Variants in SLK observed in about 807,000 individuals in gnomAD.
SLK encodes STE20-like serine/threonine-protein kinase.
Under a neutral mutation model 147.7 loss-of-function variants are expected in SLK, and 67 were observed. The observed-to-expected ratio is 0.45, with a 90% confidence interval of 0.37 to 0.56. The LOEUF (loss-of-function observed/expected upper bound fraction) is 0.56. Among genes scored for constraint, SLK ranks in the 20% least tolerant of loss-of-function variants. The pLI is 0.00. For missense variants in SLK, 1,136 were observed against 1,438.8 expected, an observed-to-expected ratio of 0.79 and a Z score of 3.41; for synonymous variants, 441 against 475.0, an observed-to-expected ratio of 0.93 and a Z score of 0.93.
At chr10:104,006,820 G>A (rs1844332593) in intron 11 of SLK, among the ~76,000 whole-genome samples, 1 of 152,194 alleles carries the variant, frequency 6.6e-6, no homozygotes, top group South Asian at 2.1e-4. Flanking sequence ...AGAAAATAGT[G>A]AACTTTTGTT....
intron 1 of SLK, among the ~76,000 whole-genome samples, chr10:103,971,442 T>C (rs903256430): frequency 1.3e-5 from 2 of 152,100 alleles, no homozygotes; most frequent in Non-Finnish European, 2.9e-5. Context: ...GCCGGGCTAA[T>C]TTTTTGTATT....
chr10:104,014,766 C>T (rs112037419), intron 13 of SLK, among the ~76,000 whole-genome samples: 3,053 of 152,092 alleles, frequency 0.02, 66 homozygotes, highest in South Asian at 0.11. Context: ...AATTGTTTAT[C>T]CACATTTAAA....
intron 1 of SLK, among the ~76,000 whole-genome samples, chr10:103,989,816 T>C (rs781705480): frequency 6.6e-6 from 1 of 152,154 alleles, no homozygotes; most frequent in African/African-American, 2.4e-5. Flanking sequence ...TACGATATGA[T>C]CCAGCAGTTG....
chr10:103,980,587 A>G (rs1261497201), intron 1 of SLK, among the ~76,000 whole-genome samples: 1 of 152,172 alleles, frequency 6.6e-6, no homozygotes, highest in East Asian at 1.9e-4. Flanking sequence ...ATCATACAGT[A>G]TTTATCATTT....
chr10:103,985,246 T>TG lies in SLK; in HGVS notation c.151-5424dup, dbSNP rs1254737499. Reference sequence around the variant, plus strand: ...ACTATCCAAGGTTTCCAGCATCCTCTGGGGGTCTTGGGATGTATTCCCTGG... The same window carrying TG: ...ACTATCCAAGGTTTCCAGCATCCTCTGGGGGGTCTTGGGATGTATTCCCTGG... On this transcript the variant is annotated intron_variant, in intron 1 of 18. Transcript: ENST00000369755. Among the ~76,000 whole-genome samples, 7 of 152,194 alleles carry TG rather than the reference T, an allele frequency of 4.6e-5. No homozygotes were observed. The South Asian group carries it at 6.2e-4, about 13-fold the overall frequency.
rs1400186940 is a variant in SLK, at chr10:104,002,533, A to C, written c.1355A>C (p.Glu452Ala). 1 of 1,609,818 alleles carries C rather than the reference A, an allele frequency of 6.2e-7. No individual in the cohort carries two copies. Among genetic ancestry groups the C allele is most frequent in the East Asian group, 2.2e-5 (1 of 44,852 alleles). Residue 452 changes from glutamate to alanine, a missense_variant, in exon 9 of 19, where the codon GAG becomes GCG. Coordinates refer to ENST00000369755, the MANE Select transcript of SLK (RefSeq NM_014720.4). ...VDINSVSEGK[E>A]NNIMITLETN... ...ATTAATTCAGTCAGTGAAGGAAAAG[A>C]GAATAATATAATGATAACCTTAGAA...
chr10:104,017,512 C>T (rs1291764872), intron 13 of SLK, among the ~76,000 whole-genome samples: 1 of 152,106 alleles, frequency 6.6e-6, no homozygotes. Context: ...TGGAGTCTCA[C>T]TCTGTCACCC....
intron 1 of SLK, among the ~76,000 whole-genome samples, chr10:103,977,515 T>C (rs975725001): frequency 1.3e-5 from 2 of 152,188 alleles, no homozygotes; most frequent in Non-Finnish European, 2.9e-5. Flanking sequence ...CTGGAGAGGC[T>C]GAAGTGGGAG....
chr10:104,006,174 G>T, intron 11 of SLK, 139 bp downstream of exon 11: 1 of 911,164 alleles, frequency 1.1e-6, no homozygotes, highest in Non-Finnish European at 1.6e-6. Context: ...ATTTATTTCT[G>T]GCATTTTTAC....
At chr10:103,994,771 G>C (rs1844144868) in intron 4 of SLK, among the ~76,000 whole-genome samples, 1 of 152,188 alleles carries the variant, frequency 6.6e-6, no homozygotes, top group Non-Finnish European at 1.5e-5. Context: ...TGGGCTGTTT[G>C]GCCTGTTGTG....
chr10:103,975,529 A>ACTCT (rs35085018), intron 1 of SLK, among the ~76,000 whole-genome samples: 2 of 3,592 alleles, frequency 5.6e-4, no homozygotes, highest in East Asian at 0.034. Context: ...ATCATCTCTT[A>ACTCT]GACTACTGCA....
chr10:104,001,363 T>A (rs1161650390), intron 7 of SLK, 81 bp from the exon 8 acceptor site: 1 of 1,132,210 alleles, frequency 8.8e-7, no homozygotes, highest in African/African-American at 1.5e-5. Context: ...TTTTACCACA[T>A]AAGAATGTGT....
intron 13 of SLK, among the ~76,000 whole-genome samples, chr10:104,012,064 A>G (rs1564661727): frequency 6.6e-6 from 1 of 152,170 alleles, no homozygotes; most frequent in Non-Finnish European, 1.5e-5. Flanking sequence ...TATTTAATCG[A>G]TCCTTTGAAT....
At chr10:104,021,374 AAAGCTC>A (rs1321885532) in intron 17 of SLK, among the ~76,000 whole-genome samples, 9 of 152,370 alleles carry the variant, frequency 5.9e-5, no homozygotes, top group African/African-American at 1.9e-4. Context: ...AGGAAAAACA[AAAGCTC>A]AAGCTAGTTC....
chr10:103,973,333 G>A (rs1843818806), intron 1 of SLK, among the ~76,000 whole-genome samples: 1 of 152,154 alleles, frequency 6.6e-6, no homozygotes, highest in Non-Finnish European at 1.5e-5. Flanking sequence ...TGTAGCATGT[G>A]TCTGTTTCTG....
intron 8 of SLK, 43 bp downstream of exon 8, chr10:104,001,615 G>A (rs1157979024): frequency 1.9e-6 from 3 of 1,604,938 alleles, no homozygotes; most frequent in South Asian, 1.1e-5. Context: ...AATAGAGTTC[G>A]GTTTTGAGGT....
At chr10:103,999,418 A>G (rs1023653253) in intron 6 of SLK, 105 bp downstream of exon 6, 30 of 863,222 alleles carry the variant, frequency 3.5e-5, no homozygotes, top group Admixed American at 9.0e-5. Context: ...AATTGGATAC[A>G]TGGTTCGAAG....
chr10:104,011,343 G>A (rs909305485), intron 13 of SLK, among the ~76,000 whole-genome samples: 1 of 152,168 alleles, frequency 6.6e-6, no homozygotes, highest in Admixed American at 6.5e-5. Context: ...AAGAAAAATA[G>A]CAAATGGTAA....
chr10:103,978,573 A>G (rs776054290), intron 1 of SLK, among the ~76,000 whole-genome samples: 1 of 152,160 alleles, frequency 6.6e-6, no homozygotes, highest in Non-Finnish European at 1.5e-5. Context: ...TTCCTTAAAG[A>G]GCAATCATTT....
Sources: gnomAD v4.1 joint callset for allele counts (sites outside exome capture counted in the v4.1 genomes callset) on GRCh38, gnomAD v4.1.1 for gene constraint, MANE v1.5 for transcripts, NCBI Gene and HGNC (gene_info 2026-07-23, HGNC 2026-07-21) for gene names.